RBMS3: variants seen among roughly 807,000 people sequenced by gnomAD.
RBMS3 encodes RNA-binding motif, single-stranded-interacting protein 3.
A neutral mutation model predicts 66.8 loss-of-function variants in RBMS3; 27 were observed. That is an observed-to-expected ratio of 0.40 (90% confidence interval 0.30 to 0.56). RBMS3 has a LOEUF of 0.56. Ranked by LOEUF, RBMS3 falls within the 20% of genes least tolerant of loss-of-function variation. The pLI, the probability that RBMS3 is intolerant of heterozygous loss-of-function variation, is 0.40. For missense variants in RBMS3, 513 were observed against 549.5 expected (o/e 0.93, Z 0.66); for synonymous variants, 188 against 183.0 (o/e 1.03, Z -0.22).
chr3:29,548,433 A>AAAAC (rs952985862), intron 3 of RBMS3, among the ~76,000 whole-genome samples: 15 of 133,202 alleles, frequency 1.1e-4, no homozygotes, highest in African/African-American at 3.1e-4. Flanking sequence ...CTGTCTCTTA[A>AAAAC]AAACAAACAA....
chr3:29,763,828 C>T (rs188119297), intron 6 of RBMS3, among the ~76,000 whole-genome samples: 41 of 151,982 alleles, frequency 2.7e-4, no homozygotes, highest in African/African-American at 9.2e-4. Flanking sequence ...AGAAAAATTA[C>T]GTAAAGATTC....
intron 1 of RBMS3, among the ~76,000 whole-genome samples, chr3:29,396,954 C>G (rs931981618): frequency 2.0e-5 from 3 of 152,070 alleles, no homozygotes; most frequent in African/African-American, 7.2e-5. Context: ...TTTGATATGA[C>G]AATATTTTAC....
intron 6 of RBMS3, among the ~76,000 whole-genome samples, chr3:29,827,487 A>AT (rs2058241037): frequency 6.6e-6 from 1 of 151,992 alleles, no homozygotes; most frequent in Non-Finnish European, 1.5e-5. Context: ...GATCTCCAGG[A>AT]TTTTTTCATT....
chr3:29,620,779 T>A (rs1342696794), intron 4 of RBMS3, among the ~76,000 whole-genome samples: 2 of 152,128 alleles, frequency 1.3e-5, no homozygotes, highest in African/African-American at 2.4e-5. Context: ...ACTCATTCCC[T>A]GGCTATTTTG....
At chr3:29,876,381 A>G (rs544998421) in intron 7 of RBMS3, among the ~76,000 whole-genome samples, 78 of 150,818 alleles carry the variant, frequency 5.2e-4, no homozygotes, top group African/African-American at 1.6e-3. Context: ...ACAAAATAGG[A>G]AAAAAAAAGC....
chr3:29,927,398 A>T (rs2060967841), intron 10 of RBMS3, among the ~76,000 whole-genome samples: 1 of 152,180 alleles, frequency 6.6e-6, no homozygotes. Flanking sequence ...GTTTTATGAC[A>T]GACACTGTGC....
At chr3:29,456,558 A>G (rs895042376) in intron 2 of RBMS3, among the ~76,000 whole-genome samples, 3 of 152,216 alleles carry the variant, frequency 2.0e-5, no homozygotes, top group African/African-American at 7.2e-5. Context: ...ACAACTTTTT[A>G]TTCATACTAT....
chr3:29,359,771 T>C (rs58232895), intron 1 of RBMS3, among the ~76,000 whole-genome samples: 11,385 of 152,148 alleles, frequency 0.075, 710 homozygotes, highest in African/African-American at 0.17. Flanking sequence ...TGGTTTAGTC[T>C]TGGGAGGGTG....
Position 29,587,196 on chromosome 3 carries a change from G to T in RBMS3, c.390G>T (p.Gln130His). The T allele has an allele frequency of 7.2e-7, 1 of 1,379,878 alleles. No individual in the cohort carries two copies. The highest frequency in any genetic ancestry group is 1.0e-6 in the Non-Finnish European group (1 of 1,002,554). The allele number at this position is 1,379,878 out of a possible 1,614,324, so 85.5% of individuals were successfully genotyped here. A position where few individuals can be genotyped will look rare whatever the true frequency, so the allele number is the denominator to read the frequency against. ...TCAAGGCAAATGGCGTGCAGGCACAGATGGCTAAGGTAAGATTGATGTTTA... is the reference window on the plus strand; with the variant it reads ...TCAAGGCAAATGGCGTGCAGGCACATATGGCTAAGGTAAGATTGATGTTTA... ...ASLKANGVQA[Q>H]MAKQQEQDPT... Residue 130 changes from glutamine to histidine, a missense_variant, in exon 4 of 15, where the codon CAG becomes CAT. By Grantham distance (24) the Gln-to-His change is conservative. Coordinates refer to ENST00000383767, the MANE Select transcript of RBMS3 (RefSeq NM_001003793.3).
chr3:29,312,851 C>A (rs1394978549), intron 1 of RBMS3, among the ~76,000 whole-genome samples: 1 of 151,674 alleles, frequency 6.6e-6, no homozygotes, highest in Admixed American at 6.6e-5. Flanking sequence ...ATCCCAAGAT[C>A]TTTTGCCTTT....
chr3:29,823,194 C>T (rs1211804920), intron 6 of RBMS3, among the ~76,000 whole-genome samples: 1 of 152,028 alleles, frequency 6.6e-6, no homozygotes, highest in African/African-American at 2.4e-5. Context: ...CAGTCCTATA[C>T]CCCCCACCCA....
intron 1 of RBMS3, among the ~76,000 whole-genome samples, chr3:29,395,267 T>G (rs2039494008): frequency 6.6e-6 from 1 of 152,232 alleles, no homozygotes; most frequent in Non-Finnish European, 1.5e-5. Flanking sequence ...ACTTCTGGAA[T>G]TAGGTATTAG....
At chr3:29,698,058 G>A (rs908819509) in intron 4 of RBMS3, 2 of 258,886 alleles carry the variant, frequency 7.7e-6, no homozygotes, top group Non-Finnish European at 1.2e-5. Flanking sequence ...AACTAAGGGG[G>A]AAAAGCAACA....
At chr3:29,358,887 C>G (rs1378332941) in intron 1 of RBMS3, among the ~76,000 whole-genome samples, 1 of 152,168 alleles carries the variant, frequency 6.6e-6, no homozygotes, top group Non-Finnish European at 1.5e-5. Context: ...GATTTTTGCA[C>G]ATTGATTTTG....
intron 1 of RBMS3, among the ~76,000 whole-genome samples, chr3:29,302,162 A>C (rs946612647): frequency 6.6e-6 from 1 of 151,908 alleles, no homozygotes; most frequent in Non-Finnish European, 1.5e-5. Flanking sequence ...GGTGCATGCC[A>C]CCACATTCAT....
intron 4 of RBMS3, among the ~76,000 whole-genome samples, chr3:29,661,379 T>A (rs1484453028): frequency 6.6e-6 from 1 of 152,192 alleles, no homozygotes; most frequent in Non-Finnish European, 1.5e-5. Flanking sequence ...TATTTCTCAA[T>A]ATGCTAAAGA....
intron 2 of RBMS3, among the ~76,000 whole-genome samples, chr3:29,444,202 A>T (rs528763608): frequency 6.9e-4 from 84 of 121,666 alleles, no homozygotes; most frequent in African/African-American, 2.5e-3. Flanking sequence ...TGTACTACAG[A>T]CTGTTCTAAG....
chr3:29,332,321 G>T (rs574112208), intron 1 of RBMS3, among the ~76,000 whole-genome samples: 5 of 152,200 alleles, frequency 3.3e-5, no homozygotes, highest in African/African-American at 1.2e-4. Flanking sequence ...ACATTCTCTT[G>T]CCTCCTTTTG....
rs940840528 is a variant in RBMS3, at chr3:30,003,778, C to T, written c.1308-78C>T. The T allele has an allele frequency of 7.8e-5, 82 of 1,045,682 alleles. No individual in the cohort carries two copies. In the East Asian group the frequency reaches 2.3e-3, roughly 30 times the overall value. 64.8% of individuals were successfully genotyped at this position (1,045,682 alleles called of 1,614,324 possible). The stretch of plus-strand genomic sequence containing the variant: ...AAAGCTTGGTATCTTTTAAAGCTGC[C>T]TCATTGGAAAAGGGCACAGAAGGTG... On this transcript the variant is annotated intron_variant, in intron 14 of 14. Coordinates refer to ENST00000383767, the MANE Select transcript of RBMS3 (RefSeq NM_001003793.3).
Sources: gnomAD v4.1 joint callset for allele counts (sites outside exome capture counted in the v4.1 genomes callset) on GRCh38, gnomAD v4.1.1 for gene constraint, MANE v1.5 for transcripts, NCBI Gene and HGNC (gene_info 2026-07-23, HGNC 2026-07-21) for gene names.